PGAP1: variants seen among roughly 807,000 people sequenced by gnomAD.
The protein encoded by PGAP1 is GPI inositol-deacylase.
PGAP1 carries 76 observed loss-of-function variants against 127.0 expected under a neutral mutation model. That is an observed-to-expected ratio of 0.60 (90% CI 0.50 to 0.72). The LOEUF is 0.72. PGAP1 is among the 30% of genes least tolerant of loss of function. The pLI, the probability that PGAP1 is intolerant of heterozygous loss-of-function variation, is 0.00. For synonymous variants in PGAP1, 362 were observed against 366.5 expected (o/e 0.99, Z 0.14); for missense variants, 982 against 1,071.3 (o/e 0.92, Z 1.16).
At chr2:196,851,375 G>GCCACCACC (rs1700717915) in intron 20 of PGAP1, among the ~76,000 whole-genome samples, 1 of 152,050 alleles carries the variant, frequency 6.6e-6, no homozygotes, top group Non-Finnish European at 1.5e-5. Flanking sequence ...ACCTCGGGCT[G>GCCACCACC]CCACCACCCT....
intron 3 of PGAP1, 136 bp downstream of exon 3, chr2:196,916,282 T>C (rs1386305427): frequency 1.6e-6 from 1 of 642,764 alleles, no homozygotes; most frequent in Non-Finnish European, 2.3e-6. Flanking sequence ...GACAACAGAC[T>C]CTCACAAAAA....
Position 196,870,992 on chromosome 2 carries a change from AATT to A in PGAP1, c.1729-16_1729-14del, listed in dbSNP as rs1197415326. 4 of 1,587,276 alleles carry A rather than the reference AATT, an allele frequency of 2.5e-6. No individual in the cohort carries two copies. The highest frequency in any genetic ancestry group is 2.6e-6 in the Non-Finnish European group (3 of 1,157,492). On this transcript the variant is annotated splice_polypyrimidine_tract_variant and intron_variant, in intron 18 of 26. Coordinates refer to ENST00000354764, the MANE Select transcript of PGAP1 (RefSeq NM_024989.4). Reference sequence around the variant, plus strand: ...TCTTAACTGTCACCTAGTTTAAAACAATTATTGAAAAAAAAGGTTATTTTCCTC... The same window carrying A: ...TCTTAACTGTCACCTAGTTTAAAACAATTGAAAAAAAAGGTTATTTTCCTC...
chr2:196,921,669 A>G (rs537672094), intron 1 of PGAP1, among the ~76,000 whole-genome samples: 99 of 152,244 alleles, frequency 6.5e-4, no homozygotes, highest in Non-Finnish European at 1.3e-3. Context: ...AATTTTCTTG[A>G]GACAGAAAAG....
At chr2:196,888,334 T>C (rs1337465032) in intron 10 of PGAP1, among the ~76,000 whole-genome samples, 1 of 152,208 alleles carries the variant, frequency 6.6e-6, no homozygotes, top group Admixed American at 6.5e-5. Context: ...TGGATCATGC[T>C]GTCACCACTG....
At chr2:196,885,496 T>C in intron 11 of PGAP1, 21 bp from the exon 12 acceptor site, 1 of 1,543,382 alleles carries the variant, frequency 6.5e-7, no homozygotes, top group Non-Finnish European at 8.9e-7. Flanking sequence ...AATATGAAAA[T>C]ATAATTAAAG....
At chr2:196,925,015 G>A (rs1261161916) in intron 1 of PGAP1, among the ~76,000 whole-genome samples, 1 of 152,100 alleles carries the variant, frequency 6.6e-6, no homozygotes. Context: ...CAAAAATAAG[G>A]AGGGAATTAT....
At chr2:196,898,239 A>G in intron 6 of PGAP1, 78 bp downstream of exon 6, 1 of 1,034,498 alleles carries the variant, frequency 9.7e-7, no homozygotes, top group South Asian at 1.4e-5. Context: ...AAAGTTAACA[A>G]GCCAATTAAA....
chr2:196,922,613 C>CACAT, intron 1 of PGAP1: 1 of 723,460 alleles, frequency 1.4e-6, no homozygotes, highest in Non-Finnish European at 1.7e-6. Context: ...CACACACACA[C>CACAT]ACAACAAAGC....
chr2:196,878,882 AATG>A (rs1426535463), intron 13 of PGAP1, among the ~76,000 whole-genome samples: 3 of 152,220 alleles, frequency 2.0e-5, no homozygotes, highest in Non-Finnish European at 4.4e-5. Context: ...AACTCCTGGC[AATG>A]ATGTCACTAT....
chr2:196,901,729 T>C (rs1443569131), intron 5 of PGAP1, among the ~76,000 whole-genome samples: 2 of 152,196 alleles, frequency 1.3e-5, no homozygotes, highest in Non-Finnish European at 2.9e-5. Flanking sequence ...GCAAATTAAT[T>C]AATCAGGTTC....
intron 3 of PGAP1, among the ~76,000 whole-genome samples, chr2:196,916,147 A>G (rs537774641): frequency 5.3e-5 from 8 of 152,286 alleles, no homozygotes; most frequent in Non-Finnish European, 1.2e-4. Flanking sequence ...ATCTATACCA[A>G]TGGTTTTTAG....
At position 196,912,893 on chromosome 2, in the gene PGAP1, C is replaced by T. The variant is rs572676406; in HGVS notation, c.638G>A (p.Arg213His). The change falls in exon 4 of 27, where the codon CGT (arginine) becomes CAT (histidine). Residue 213 changes from arginine to histidine, a missense_variant. Arg to His is a conservative substitution (Grantham distance 29). Transcript: ENST00000354764. ...PHVAPVMPLD[R>H]FITDFYTTVN... is the part of the protein sequence containing the mutation. ...GTAACAGTACTCACCTGTAATGAAA[C>T]GATCTAATGGCATCACAGGAGCAAC... 5.6e-6 allele frequency: 9 copies of T among 1,606,394 alleles called. No individual in the cohort carries two copies. The highest frequency in any genetic ancestry group is 1.7e-4 in the Middle Eastern group (1 of 6,042).
At chr2:196,848,164 G>A (rs887938733) in intron 20 of PGAP1, 127 bp from the exon 21 acceptor site, 1 of 480,392 alleles carries the variant, frequency 2.1e-6, no homozygotes, top group Non-Finnish European at 3.6e-6. Context: ...TACTATCACA[G>A]AGACTCTTCT....
In PGAP1 at chr2:196,869,254, T is replaced by C. The variant is rs527608136; in HGVS notation, c.1767+1687A>G. 1.1e-3 allele frequency among the ~76,000 whole-genome samples: 162 copies of C among 152,332 alleles called. 1 individual carries two copies. Among genetic ancestry groups the C allele is most frequent in the Middle Eastern group, 0.01 (3 of 294 alleles). On this transcript the variant is annotated intron_variant, in intron 19 of 26. Transcript: ENST00000354764. The stretch of plus-strand genomic sequence containing the variant: ...TGGATAAGAGAATATGTTATATTCC[T>C]ACCCCAAACCACTGTTTACAGTAAT...
rs987161220 is a variant in PGAP1 at position 196,835,001 on chromosome 2, T to A, written c.*6233A>T. 6.6e-6 allele frequency: 1 copy of A among 152,040 alleles called. No homozygotes were observed. Among genetic ancestry groups the A allele is most frequent in the Non-Finnish European group, 1.5e-5 (1 of 67,892 alleles). 9.4% of individuals were successfully genotyped at this position (152,040 alleles called of 1,614,324 possible). Reference sequence around the variant, plus strand: ...GCTATTTATGCAAACTGCATCAACATTACTGGGCAGAGAAATACTTAGTAA... The same window carrying A: ...GCTATTTATGCAAACTGCATCAACAATACTGGGCAGAGAAATACTTAGTAA... On this transcript the variant is annotated 3_prime_UTR_variant, in exon 27 of 27. Transcript: ENST00000354764.
intron 4 of PGAP1, among the ~76,000 whole-genome samples, chr2:196,911,751 A>C (rs1212703201): frequency 6.6e-6 from 1 of 152,052 alleles, no homozygotes; most frequent in Admixed American, 6.6e-5. Context: ...AGTGAGGATA[A>C]TCTCTGGCTT....
intron 4 of PGAP1, among the ~76,000 whole-genome samples, chr2:196,912,510 G>A (rs1395355884): frequency 6.6e-6 from 1 of 150,448 alleles, no homozygotes; most frequent in Non-Finnish European, 1.5e-5. Context: ...AACCTGAGAG[G>A]TGGAGGTTGC....
At chr2:196,869,123 T>C (rs1050838983) in intron 19 of PGAP1, among the ~76,000 whole-genome samples, 2 of 152,212 alleles carry the variant, frequency 1.3e-5, no homozygotes, top group Non-Finnish European at 2.9e-5. Context: ...AAAACAAGAA[T>C]ACTAGGTCTG....
chr2:196,885,756 G>T, intron 11 of PGAP1, 78 bp downstream of exon 11: 2 of 885,702 alleles, frequency 2.3e-6, no homozygotes, highest in Non-Finnish European at 3.2e-6. Flanking sequence ...AAATAACAAT[G>T]TATGAAACTA....
Sources: allele counts gnomAD v4.1 joint callset (sites outside exome capture counted in the v4.1 genomes callset), GRCh38; gene constraint gnomAD v4.1.1; transcripts MANE v1.5; gene names NCBI Gene and HGNC (gene_info 2026-07-23, HGNC 2026-07-21).